Variants in GRM8 observed in about 807,000 individuals in gnomAD.
GRM8 encodes the protein glutamate metabotropic receptor 8.
Under a neutral mutation model 87.2 loss-of-function variants are expected in GRM8, and 47 were observed. The ratio of observed to expected loss-of-function variants is 0.54; its 90% CI spans 0.43 to 0.69. The LOEUF (loss-of-function observed/expected upper bound fraction) is 0.69. Among genes scored for constraint, GRM8 ranks in the 30% least tolerant of loss-of-function variants. GRM8 has a pLI of 0.00. For synonymous variants in GRM8, 396 were observed against 404.5 expected, an observed-to-expected ratio of 0.98 and a Z score of 0.25; for missense variants, 1,019 against 1,139.2, an observed-to-expected ratio of 0.89 and a Z score of 1.52.
intron 2 of GRM8, among the ~76,000 whole-genome samples, chr7:127,221,733 C>T (rs141441630): frequency 6.6e-6 from 1 of 152,290 alleles, no homozygotes; most frequent in Non-Finnish European, 1.5e-5. Context: ...GCATTCCAAG[C>T]AAGTATACTG....
intron 9 of GRM8, among the ~76,000 whole-genome samples, chr7:126,484,391 A>G (rs1437139714): frequency 6.6e-6 from 1 of 151,976 alleles, no homozygotes; most frequent in African/African-American, 2.4e-5. Flanking sequence ...AAACAACAAG[A>G]CTGGGATCCC....
chr7:127,122,482 T>A (rs1827141398), intron 2 of GRM8, among the ~76,000 whole-genome samples: 1 of 148,224 alleles, frequency 6.7e-6, no homozygotes, highest in African/African-American at 2.5e-5. Flanking sequence ...AAAAAAAAAA[T>A]GGAAAAAGAA....
intron 3 of GRM8, among the ~76,000 whole-genome samples, chr7:126,940,067 C>T (rs552627090): frequency 2.0e-5 from 3 of 152,290 alleles, no homozygotes; most frequent in African/African-American, 7.2e-5. Context: ...CTTTATCTTT[C>T]ACCTGTAACA....
chr7:127,000,486 A>G (rs1460541524), intron 3 of GRM8, among the ~76,000 whole-genome samples: 1 of 151,734 alleles, frequency 6.6e-6, no homozygotes, highest in Non-Finnish European at 1.5e-5. Flanking sequence ...TGCCTGTATC[A>G]AAGTATTTCA....
intron 6 of GRM8, among the ~76,000 whole-genome samples, chr7:126,829,758 G>T (rs1384124829): frequency 2.6e-5 from 4 of 151,304 alleles, no homozygotes; most frequent in African/African-American, 9.7e-5. Flanking sequence ...ATGTTAGCTG[G>T]TTATTTTGCT....
chr7:126,777,731 A>C (rs1819632218), intron 6 of GRM8, among the ~76,000 whole-genome samples: 1 of 152,162 alleles, frequency 6.6e-6, no homozygotes, highest in Admixed American at 6.6e-5. Context: ...ACTTATATTG[A>C]ACTACACTTA....
chr7:127,155,184 G>T (rs1314836681), intron 2 of GRM8, among the ~76,000 whole-genome samples: 1 of 152,092 alleles, frequency 6.6e-6, no homozygotes, highest in African/African-American at 2.4e-5. Flanking sequence ...TATTTACTTT[G>T]TCAGCAGGGC....
intron 6 of GRM8, 135 bp from the exon 7 acceptor site, chr7:126,770,200 T>C (rs981131564): frequency 1.6e-6 from 1 of 627,518 alleles, no homozygotes; most frequent in Non-Finnish European, 2.8e-6. Context: ...ATTAATTCTA[T>C]ACTTACTGAG....
intron 7 of GRM8, among the ~76,000 whole-genome samples, chr7:126,658,759 A>G (rs1412785634): frequency 6.6e-6 from 1 of 152,076 alleles, no homozygotes; most frequent in Non-Finnish European, 1.5e-5. Context: ...AAATCCCAAT[A>G]TTAGATTGGA....
At chr7:126,824,470 C>T (rs1794583082) in intron 6 of GRM8, among the ~76,000 whole-genome samples, 1 of 152,222 alleles carries the variant, frequency 6.6e-6, no homozygotes, top group African/African-American at 2.4e-5. Flanking sequence ...TTTCTCCCCA[C>T]TGCCCATTCC....
chr7:127,015,242 AAGAAGAAGAAGAAGAAGAAAAG>A (rs1815514783), intron 3 of GRM8, among the ~76,000 whole-genome samples: 1 of 131,562 alleles, frequency 7.6e-6, no homozygotes, highest in South Asian at 2.5e-4. Context: ...GAAGAAGAAG[AAGAAGAAGAAGAAGAAGAAAAG>A]AGAGAGAGAG....
intron 7 of GRM8, among the ~76,000 whole-genome samples, chr7:126,639,483 C>T (rs1298242669): frequency 6.6e-6 from 1 of 152,082 alleles, no homozygotes; most frequent in Non-Finnish European, 1.5e-5. Context: ...CTTCTTTGTA[C>T]CTTTCTGATA....
rs182912411 is a variant in GRM8, at chr7:127,134,859, C to T, written c.511-28147G>A. Among the ~76,000 whole-genome samples the T allele has an allele frequency of 4.3e-3, 656 of 152,232 alleles. 6 individuals carry two copies. The highest frequency in any genetic ancestry group is 0.01 in the Middle Eastern group (3 of 294). ...ACCTAGCTTCCTCCTGAGCTCTGAA[C>T]ATAAGTCTGCAACTTTCACAAAGAC... On this transcript the variant is annotated intron_variant, in intron 2 of 10. Transcript: ENST00000339582.
chr7:126,568,078 A>AATTATATTT (rs1350390135), intron 8 of GRM8, among the ~76,000 whole-genome samples: 8 of 152,202 alleles, frequency 5.3e-5, no homozygotes, highest in Non-Finnish European at 1.2e-4. Context: ...TTGGTAAACT[A>AATTATATTT]GTTAAAATTA....
intron 2 of GRM8, among the ~76,000 whole-genome samples, chr7:127,187,011 T>C (rs1028543457): frequency 2.0e-5 from 3 of 152,290 alleles, no homozygotes; most frequent in East Asian, 1.9e-4. Flanking sequence ...TCACCTGAGG[T>C]TGGCTTCCAC....
chr7:127,087,202 A>G (rs1241679311), intron 3 of GRM8, among the ~76,000 whole-genome samples: 1 of 152,202 alleles, frequency 6.6e-6, no homozygotes, highest in Non-Finnish European at 1.5e-5. Flanking sequence ...GCCCTTCTCC[A>G]CTGCAGGGTT....
intron 2 of GRM8, among the ~76,000 whole-genome samples, chr7:127,196,287 G>A (rs144761179): frequency 4.1e-4 from 62 of 152,290 alleles, no homozygotes; most frequent in African/African-American, 1.4e-3. Flanking sequence ...GGAGGTTGAG[G>A]CAGGGCAGAT....
At chr7:127,110,432 A>G (rs921137643) in intron 2 of GRM8, among the ~76,000 whole-genome samples, 1 of 151,976 alleles carries the variant, frequency 6.6e-6, no homozygotes, top group Non-Finnish European at 1.5e-5. Context: ...TCATTTCCCT[A>G]AGGCATCCTA....
At chr7:126,917,595 G>GA (rs888268373) in intron 3 of GRM8, among the ~76,000 whole-genome samples, 2 of 151,906 alleles carry the variant, frequency 1.3e-5, no homozygotes, top group African/African-American at 2.4e-5. Context: ...TTTTTACATG[G>GA]AAAAAACTGT....
Sources: allele counts gnomAD v4.1 joint callset (sites outside exome capture counted in the v4.1 genomes callset), GRCh38; gene constraint gnomAD v4.1.1; transcripts MANE v1.5; gene names NCBI Gene and HGNC (gene_info 2026-07-23, HGNC 2026-07-21).